Variants in LRPPRC observed in about 807,000 individuals in gnomAD.
LRPPRC encodes leucine-rich PPR motif-containing protein, mitochondrial.
Under a neutral mutation model 180.3 loss-of-function variants are expected in LRPPRC, and 120 were observed. The observed-to-expected ratio is 0.67, with a 90% CI of 0.57 to 0.77. The LOEUF (loss-of-function observed/expected upper bound fraction) is 0.77. LRPPRC is among the 30% of genes least tolerant of loss of function. The probability of loss-of-function intolerance (pLI) is 0.00; values close to 1 mark genes in which losing one functional copy is unlikely to be tolerated. For synonymous variants in LRPPRC, 723 were observed against 600.0 expected, an observed-to-expected ratio of 1.21 and a Z score of -3.00; for missense variants, 2,012 against 1,657.2, an observed-to-expected ratio of 1.21 and a Z score of -3.72.
chr2:43,895,671 A>G (rs532814726), intron 35 of LRPPRC, among the ~76,000 whole-genome samples: 22 of 152,356 alleles, frequency 1.4e-4, no homozygotes, highest in Middle Eastern at 3.4e-3. Context: ...AAGTGTAGGT[A>G]TATCTAGGGG....
chr2:43,960,764 T>A (rs1673316103), intron 12 of LRPPRC, 130 bp from the exon 13 acceptor site: 1 of 687,854 alleles, frequency 1.5e-6, no homozygotes, highest in Non-Finnish European at 2.6e-6. Context: ...ATAAGCTCAG[T>A]AATTGAATTT....
intron 12 of LRPPRC, among the ~76,000 whole-genome samples, chr2:43,961,782 G>A (rs1673357294): frequency 6.6e-6 from 1 of 152,134 alleles, no homozygotes; most frequent in South Asian, 2.1e-4. Flanking sequence ...CCAACATGGT[G>A]AAATCCCATC....
intron 27 of LRPPRC, among the ~76,000 whole-genome samples, chr2:43,923,123 T>A (rs1671755134): frequency 6.8e-6 from 1 of 146,486 alleles, no homozygotes; most frequent in Non-Finnish European, 1.5e-5. Context: ...AGACCATATA[T>A]CCCTAATGGA....
chr2:43,893,575 T>A (rs530826178), intron 36 of LRPPRC, among the ~76,000 whole-genome samples: 10 of 152,354 alleles, frequency 6.6e-5, no homozygotes, highest in African/African-American at 1.4e-4. Context: ...ATGTACTTTT[T>A]AAAAACATAA....
rs145459636 is a variant in LRPPRC at position 43,927,339 on chromosome 2, C to A, written c.2737-1378G>T. Among the ~76,000 whole-genome samples the A allele has an allele frequency of 1.0e-3, 159 of 152,268 alleles. 1 individual carries two copies. Among genetic ancestry groups the A allele is most frequent in the African/African-American group, 3.6e-3 (150 of 41,556 alleles). ...AATTAAGAACTGAAGTGGAAACTAA[C>A]ATCTTGCAGCTTTGGTGGGATGACA... On this transcript the variant is annotated intron_variant, in intron 25 of 37. Coordinates refer to ENST00000260665, the MANE Select transcript of LRPPRC (RefSeq NM_133259.4).
intron 11 of LRPPRC, among the ~76,000 whole-genome samples, chr2:43,969,382 C>A (rs1476618694): frequency 6.6e-6 from 1 of 151,082 alleles, no homozygotes; most frequent in Non-Finnish European, 1.5e-5. Context: ...TGCACTCCAG[C>A]CTGGGCGACA....
At chr2:43,945,576 G>T (rs947047429) in intron 21 of LRPPRC, among the ~76,000 whole-genome samples, 159 bp from the exon 22 acceptor site, 1 of 152,010 alleles carries the variant, frequency 6.6e-6, no homozygotes, top group African/African-American at 2.4e-5. Context: ...CCATATACAA[G>T]TTCACACGAA....
At chr2:43,960,921 C>T (rs1206571344) in intron 12 of LRPPRC, among the ~76,000 whole-genome samples, 2 of 152,096 alleles carry the variant, frequency 1.3e-5, no homozygotes, top group Non-Finnish European at 2.9e-5. Flanking sequence ...CAAGACAAAA[C>T]AAAGATTCAA....
chr2:43,923,219 C>G (rs1157864220), intron 27 of LRPPRC, among the ~76,000 whole-genome samples: 2 of 149,862 alleles, frequency 1.3e-5, no homozygotes. Context: ...TGGCTCATGC[C>G]TGTAATCCCA....
chr2:43,911,003 A>G (rs921227557), intron 30 of LRPPRC, among the ~76,000 whole-genome samples: 5 of 151,962 alleles, frequency 3.3e-5, no homozygotes, highest in African/African-American at 4.8e-5. Context: ...ATTATCACAG[A>G]GAGGGTTGGG....
intron 1 of LRPPRC, among the ~76,000 whole-genome samples, chr2:43,994,380 A>G (rs936861183): frequency 1.3e-5 from 2 of 152,222 alleles, no homozygotes; most frequent in Non-Finnish European, 2.9e-5. Flanking sequence ...GGTCCGCATA[A>G]CCGTAGATAT....
chr2:43,905,862 A>G, intron 30 of LRPPRC, 82 bp from the exon 31 acceptor site: 1 of 918,310 alleles, frequency 1.1e-6, no homozygotes, highest in Non-Finnish European at 1.8e-6. Context: ...AGGTGAAATT[A>G]TAAAAACTAC....
intron 25 of LRPPRC, 116 bp from the exon 26 acceptor site, chr2:43,926,077 TTATATACTAAACTA>T: frequency 1.5e-6 from 1 of 681,624 alleles, no homozygotes; most frequent in Non-Finnish European, 2.7e-6. Flanking sequence ...TATACTAAAC[TTATATACTAAACTA>T]TATATACTAG....
At chr2:43,969,625 A>G (rs1673715990) in intron 11 of LRPPRC, among the ~76,000 whole-genome samples, 1 of 152,152 alleles carries the variant, frequency 6.6e-6, no homozygotes, top group South Asian at 2.1e-4. Context: ...GGTAGTCACT[A>G]AATTTAAAGG....
At chr2:43,968,166 T>A (rs1673641792) in intron 11 of LRPPRC, among the ~76,000 whole-genome samples, 2 of 151,962 alleles carry the variant, frequency 1.3e-5, no homozygotes, top group South Asian at 4.2e-4. Flanking sequence ...TTAATAGCAA[T>A]GTAAATCTAA....
intron 1 of LRPPRC, 80 bp downstream of exon 1, chr2:43,995,719 G>C (rs1227850976): frequency 7.9e-7 from 1 of 1,273,530 alleles, no homozygotes; most frequent in Non-Finnish European, 1.0e-6. Flanking sequence ...GCACAGGCAG[G>C]ACCCGGTCCC....
rs757623935 is a variant in LRPPRC at position 43,899,535 on chromosome 2, G to C, written c.3640C>G (p.Gln1214Glu). ...AATAAGTATGCCAAGCCGAAGTATTGGGGTTCAATGACTTTATTCTCTGAA... is the reference window on the plus strand; with the variant it reads ...AATAAGTATGCCAAGCCGAAGTATTCGGGTTCAATGACTTTATTCTCTGAA... ...LTSENKVIEP[Q>E]YFGLAYLFRK... Residue 1214 changes from glutamine to glutamate, a missense_variant, in exon 33 of 38, where the codon CAA becomes GAA. Gln to Glu is a conservative substitution (Grantham distance 29, BLOSUM62 2). Transcript: ENST00000260665. 1 of 1,611,978 alleles carries C rather than the reference G, an allele frequency of 6.2e-7. No individual in the cohort carries two copies. Among genetic ancestry groups the C allele is most frequent in the Non-Finnish European group, 8.5e-7 (1 of 1,178,174 alleles).
chr2:43,924,918 T>A, intron 27 of LRPPRC, 149 bp downstream of exon 27: 1 of 653,224 alleles, frequency 1.5e-6, no homozygotes, highest in Non-Finnish European at 2.8e-6. Context: ...CATTCTGTGA[T>A]AAAATTCAAT....
intron 27 of LRPPRC, among the ~76,000 whole-genome samples, chr2:43,918,835 ATCTC>A (rs1376374031): frequency 1.4e-5 from 2 of 147,308 alleles, no homozygotes; most frequent in East Asian, 2.0e-4. Flanking sequence ...ATATATAGAT[ATCTC>A]TATATATAGA....
Sources: allele counts gnomAD v4.1 joint callset (sites outside exome capture counted in the v4.1 genomes callset), GRCh38; gene constraint gnomAD v4.1.1; transcripts MANE v1.5; gene names NCBI Gene and HGNC (gene_info 2026-07-23, HGNC 2026-07-21).